GRAMD4: variants seen among roughly 807,000 people sequenced by gnomAD.
GRAMD4 encodes GRAM domain containing 4.
Under a neutral mutation model 83.9 loss-of-function variants are expected in GRAMD4, and 25 were observed. The ratio of observed to expected loss-of-function variants is 0.30; its 90% CI spans 0.22 to 0.42. The LOEUF is 0.42. Ranked by LOEUF, GRAMD4 falls within the 10% of genes least tolerant of loss-of-function variation. The pLI, the probability that GRAMD4 is intolerant of heterozygous loss-of-function variation, is 1.00. For synonymous variants in GRAMD4, 336 were observed against 320.9 expected (o/e 1.05, Z -0.50); for missense variants, 593 against 788.7 (o/e 0.75, Z 2.97).
At position 46,672,983 on chromosome 22, in the gene GRAMD4, G is replaced by T. The variant is rs773434073; in HGVS notation, c.1225G>T (p.Ala409Ser). ...DPQLKERSSAAVSRRLQTTSS... is the reference protein window; with the variant it reads ...DPQLKERSSASVSRRLQTTSS... ...GCAGCTCAAGGAGCGCTCCAGCGCC[G>T]CAGTCTCACGCAGGGTGAGCCCGGC... Residue 409 changes from alanine to serine, a missense_variant, in exon 14 of 19, where the codon GCA (alanine) becomes TCA (serine). This residue lies in a region of GRAMD4 where 171 missense variants were observed against 199.6 expected (regional missense o/e 0.86). Transcript: ENST00000406902. The surrounding 1 kb of genome is among the most constrained non-coding windows in gnomAD (Gnocchi z 4.7). The T allele has an allele frequency of 2.5e-6, 4 of 1,599,266 alleles. No individual in the cohort carries two copies. The highest frequency in any genetic ancestry group is 1.1e-5 in the South Asian group (1 of 89,916).
chr22:46,626,370 C>T (rs778587120), intron 1 of GRAMD4, among the ~76,000 whole-genome samples: 2 of 152,126 alleles, frequency 1.3e-5, no homozygotes, highest in Admixed American at 6.5e-5. Flanking sequence ...TGCGCCTGCG[C>T]GCCGCCTCGC....
chr22:46,647,699 C>G (rs140659988), intron 3 of GRAMD4, among the ~76,000 whole-genome samples: 1 of 152,390 alleles, frequency 6.6e-6, no homozygotes, highest in Non-Finnish European at 1.5e-5. Context: ...TCTGTGACCT[C>G]TCTAGTCACT....
At chr22:46,590,742 G>A (rs778945548) in intron 1 of GRAMD4, among the ~76,000 whole-genome samples, 3 of 152,224 alleles carry the variant, frequency 2.0e-5, no homozygotes, top group Non-Finnish European at 4.4e-5. Context: ...GGACAGCTAA[G>A]GACGATGGAC....
chr22:46,576,678 A>G (rs1210141663), upstream of GRAMD4, among the ~76,000 whole-genome samples: 1 of 152,076 alleles, frequency 6.6e-6, no homozygotes, highest in East Asian at 1.9e-4. Context: ...GCGGTCGAGG[A>G]AAGGCATTTC....
intron 1 of GRAMD4, among the ~76,000 whole-genome samples, chr22:46,586,342 A>C (rs1419292360): frequency 6.7e-6 from 1 of 149,764 alleles, no homozygotes; most frequent in African/African-American, 2.5e-5. Context: ...TTCCAGGTTG[A>C]GATTGGTGGG....
At chr22:46,632,572 A>AAG (rs1416828120) in intron 2 of GRAMD4, among the ~76,000 whole-genome samples, 1 of 152,128 alleles carries the variant, frequency 6.6e-6, no homozygotes, top group Non-Finnish European at 1.5e-5. Flanking sequence ...TAGGTCTGAG[A>AAG]AGGGGTCAGC....
At chr22:46,634,227 G>A (rs957546350) in intron 2 of GRAMD4, among the ~76,000 whole-genome samples, 1 of 152,216 alleles carries the variant, frequency 6.6e-6, no homozygotes, top group Non-Finnish European at 1.5e-5. Context: ...TCTCATTTCA[G>A]CTTAATGATT....
intron 1 of GRAMD4, among the ~76,000 whole-genome samples, chr22:46,613,606 G>A (rs1462451506): frequency 6.6e-6 from 1 of 150,642 alleles, no homozygotes; most frequent in African/African-American, 2.5e-5. Flanking sequence ...TGGGAAGGCC[G>A]TCTCGGACAG....
chr22:46,638,506 C>T (rs1258662336), intron 3 of GRAMD4, among the ~76,000 whole-genome samples: 1 of 152,228 alleles, frequency 6.6e-6, no homozygotes, highest in Non-Finnish European at 1.5e-5. Context: ...GGCAGAGATT[C>T]TTACAGGAGG....
intron 4 of GRAMD4, 31 bp downstream of exon 4, chr22:46,658,338 T>G: frequency 6.4e-7 from 1 of 1,559,114 alleles, no homozygotes. Flanking sequence ...CCCTGGCCTG[T>G]GTGCGGCTGC....
At chr22:46,595,502 G>A (rs6008927) in intron 1 of GRAMD4, among the ~76,000 whole-genome samples, 100,589 of 152,026 alleles carry the variant, frequency 0.66, 33,873 homozygotes, top group African/African-American at 0.73. Flanking sequence ...TGGTCAGTAT[G>A]GGCACAGAGG....
At chr22:46,635,756 CTGGCCACT>C (rs1569278016) in intron 2 of GRAMD4, among the ~76,000 whole-genome samples, 6 of 65,490 alleles carry the variant, frequency 9.2e-5, no homozygotes, top group Non-Finnish European at 1.3e-4. Context: ...CCCCCCGCCC[CTGGCCACT>C]CCTGTCCTAG....
intron 3 of GRAMD4, among the ~76,000 whole-genome samples, chr22:46,643,196 C>T (rs1192316637): frequency 3.5e-5 from 4 of 115,472 alleles, no homozygotes; most frequent in Non-Finnish European, 5.8e-5. Flanking sequence ...TCCATCCATC[C>T]ATCCATCTAT....
At position 46,659,844 on chromosome 22, in the gene GRAMD4, T is replaced by C. The variant is rs2082302257; in HGVS notation, c.404+1537T>C. 6.6e-6 allele frequency among the ~76,000 whole-genome samples: 1 copy of C among 152,228 alleles called. No homozygotes were observed. The highest frequency in any genetic ancestry group is 1.5e-5 in the Non-Finnish European group (1 of 68,038). ...GGGCCTCGGCAGGCGCTTTACCTGATGCTGAACCTTCTGGGAAAATCCACA... is the reference window on the plus strand; with the variant it reads ...GGGCCTCGGCAGGCGCTTTACCTGACGCTGAACCTTCTGGGAAAATCCACA... On this transcript the variant is annotated intron_variant, in intron 4 of 18. Transcript: ENST00000406902. This position sits in a 1 kb window ranked among gnomAD's most constrained non-coding sequence, Gnocchi z 4.1.
chr22:46,588,694 G>T (rs1227284928), intron 1 of GRAMD4, among the ~76,000 whole-genome samples: 1 of 151,434 alleles, frequency 6.6e-6, no homozygotes, highest in Admixed American at 6.6e-5. Flanking sequence ...CTCCTTCCCC[G>T]GCCTGATCCA....
chr22:46,627,373 G>T (rs2081682301), intron 2 of GRAMD4, among the ~76,000 whole-genome samples: 1 of 152,244 alleles, frequency 6.6e-6, no homozygotes, highest in Non-Finnish European at 1.5e-5. Flanking sequence ...CCCAAAGCTG[G>T]CTAAGCCCAG....
intron 1 of GRAMD4, among the ~76,000 whole-genome samples, chr22:46,610,114 C>T (rs1190245693): frequency 3.9e-5 from 6 of 152,208 alleles, no homozygotes; most frequent in South Asian, 2.1e-4. Context: ...ACTTGGAGAC[C>T]GTCCAGGCTG....
intron 1 of GRAMD4, among the ~76,000 whole-genome samples, chr22:46,603,398 A>C (rs546268726): frequency 8.7e-4 from 129 of 147,450 alleles, no homozygotes; most frequent in Admixed American, 2.8e-3. Context: ...TTTAGTAGAG[A>C]CGCGGTTTCA....
intron 1 of GRAMD4, among the ~76,000 whole-genome samples, chr22:46,603,462 G>A (rs1474756836): frequency 1.4e-5 from 2 of 145,912 alleles, no homozygotes; most frequent in Middle Eastern, 3.6e-3. Flanking sequence ...GCCCGCCTCC[G>A]CCTCCCAAAG....
Sources: gnomAD v4.1 joint callset for allele counts (sites outside exome capture counted in the v4.1 genomes callset) on GRCh38, gnomAD v4.1.1 for gene constraint, gnomAD v4.1.1 regional missense constraint, Gnocchi (gnomAD v3.1) non-coding constraint, MANE v1.5 for transcripts, NCBI Gene and HGNC (gene_info 2026-07-23, HGNC 2026-07-21) for gene names.